Variants in EXOC6B observed in about 807,000 individuals in gnomAD.
EXOC6B encodes SEC15 homolog B.
In EXOC6B, 54 loss-of-function variants were observed where a neutral mutation model predicts 113.5. The ratio of observed to expected loss-of-function variants is 0.48; its 90% CI spans 0.38 to 0.60. The LOEUF is 0.60. Ranked by LOEUF, EXOC6B falls within the 20% of genes least tolerant of loss-of-function variation. EXOC6B has a pLI of 0.00. For synonymous variants in EXOC6B, 357 were observed against 339.0 expected (o/e 1.05, Z -0.58); for missense variants, 797 against 977.5 (o/e 0.82, Z 2.46).
At chr2:72,503,863 T>C (rs545083122) in intron 11 of EXOC6B, among the ~76,000 whole-genome samples, 1 of 112,168 alleles carries the variant, frequency 8.9e-6, no homozygotes, top group African/African-American at 2.5e-5. Flanking sequence ...TTTGGTGTGG[T>C]TCGTGTTCTG....
At chr2:72,343,486 T>C (rs1334423273) in intron 19 of EXOC6B, among the ~76,000 whole-genome samples, 1 of 152,172 alleles carries the variant, frequency 6.6e-6, no homozygotes, top group African/African-American at 2.4e-5. Flanking sequence ...CTTTTATAAT[T>C]GCCCATGTAT....
intron 18 of EXOC6B, chr2:72,462,163 A>C (rs1225390582): frequency 1.3e-5 from 2 of 152,160 alleles, no homozygotes; most frequent in African/African-American, 4.8e-5. Flanking sequence ...TGATGTTGTC[A>C]CATTATTTCT....
intron 20 of EXOC6B, among the ~76,000 whole-genome samples, chr2:72,223,291 CACTTAG>C (rs2104435860): frequency 6.6e-6 from 1 of 152,290 alleles, no homozygotes; most frequent in Admixed American, 6.5e-5. Context: ...GGACCATACA[CACTTAG>C]ACTTTGGGAA....
At chr2:72,636,010 A>T (rs1446887) in intron 6 of EXOC6B, among the ~76,000 whole-genome samples, 1 of 152,012 alleles carries the variant, frequency 6.6e-6, no homozygotes, top group South Asian at 2.1e-4. Context: ...TGAGGCCAGA[A>T]GTTCAAGAAA....
chr2:72,533,654 G>A (rs1237616584), intron 8 of EXOC6B, among the ~76,000 whole-genome samples: 1 of 152,052 alleles, frequency 6.6e-6, no homozygotes, highest in Non-Finnish European at 1.5e-5. Context: ...AATATTAGAA[G>A]GTAGGGCATG....
At chr2:72,801,814 G>A (rs2105084979) in intron 1 of EXOC6B, among the ~76,000 whole-genome samples, 1 of 152,318 alleles carries the variant, frequency 6.6e-6, no homozygotes, top group East Asian at 1.9e-4. Context: ...ACCATGAGAA[G>A]ATTCACGTAA....
chr2:72,807,771 A>G (rs1053371290), intron 1 of EXOC6B, among the ~76,000 whole-genome samples: 3 of 152,062 alleles, frequency 2.0e-5, no homozygotes, highest in African/African-American at 7.2e-5. Context: ...GATAGAGAGT[A>G]GAAGGTTGGT....
At chr2:72,275,597 G>C (rs892302364) in intron 20 of EXOC6B, among the ~76,000 whole-genome samples, 4 of 152,064 alleles carry the variant, frequency 2.6e-5, no homozygotes, top group Non-Finnish European at 4.4e-5. Context: ...TATTAGTGCT[G>C]CTCAATTAAT....
chr2:72,646,959 G>T (rs1353007521), intron 6 of EXOC6B, among the ~76,000 whole-genome samples: 2 of 152,132 alleles, frequency 1.3e-5, no homozygotes, highest in African/African-American at 4.8e-5. Context: ...AGGGCATTCA[G>T]GCAAGAGAAA....
chr2:72,549,918 A>G (rs1281109798), intron 8 of EXOC6B, among the ~76,000 whole-genome samples: 2 of 152,180 alleles, frequency 1.3e-5, no homozygotes, highest in South Asian at 4.1e-4. Flanking sequence ...GAGATTAAGA[A>G]TTATAAGGCA....
chr2:72,291,758 C>G (rs888715935), intron 20 of EXOC6B, among the ~76,000 whole-genome samples: 1 of 152,152 alleles, frequency 6.6e-6, no homozygotes, highest in Admixed American at 6.5e-5. Context: ...GAGGTAAAGA[C>G]AAGGTACATC....
At chr2:72,353,728 C>T (rs1488007523) in intron 19 of EXOC6B, among the ~76,000 whole-genome samples, 2 of 151,576 alleles carry the variant, frequency 1.3e-5, no homozygotes, top group Non-Finnish European at 2.9e-5. Flanking sequence ...AAAAAAACAA[C>T]AGTAAAAAGG....
chr2:72,373,147 C>A (rs1012159697), intron 19 of EXOC6B, among the ~76,000 whole-genome samples: 4 of 150,728 alleles, frequency 2.7e-5, no homozygotes, highest in African/African-American at 9.8e-5. Flanking sequence ...CAGCTCACTG[C>A]AACCTCCACC....
At chr2:72,669,010 C>T (rs932892681) in intron 6 of EXOC6B, among the ~76,000 whole-genome samples, 2 of 152,088 alleles carry the variant, frequency 1.3e-5, no homozygotes, top group South Asian at 2.1e-4. Context: ...TCACTTGAGC[C>T]CAGACGTTTG....
At chr2:72,455,774 G>A (rs1422579760) in intron 18 of EXOC6B, among the ~76,000 whole-genome samples, 6 of 151,904 alleles carry the variant, frequency 3.9e-5, no homozygotes, top group South Asian at 2.1e-4. Flanking sequence ...ATACACCTAC[G>A]TGTGTGTGTA....
At chr2:72,471,293 C>T (rs1259447843) in intron 17 of EXOC6B, among the ~76,000 whole-genome samples, 27 of 152,208 alleles carry the variant, frequency 1.8e-4, no homozygotes, top group Non-Finnish European at 2.2e-4. Context: ...TCATGTCCTT[C>T]GCCCACTTTT....
chr2:72,465,236 C>G lies in EXOC6B; in HGVS notation c.1904G>C (p.Gly635Ala). The G allele has an allele frequency of 6.2e-7, 1 of 1,611,322 alleles. No individual in the cohort carries two copies. Among genetic ancestry groups the G allele is most frequent in the Non-Finnish European group, 8.5e-7 (1 of 1,178,758 alleles). Residue 635 changes from glycine (G) to alanine (A), a missense_variant, in exon 18 of 22, where the codon GGC (glycine) becomes GCC (alanine). Transcript: ENST00000272427. ...ADYDWMTGDL[G>A]NKASDYLVDL... ...TACCAGGTAATCACTAGCTTTGTTG[C>G]CCAAATCTCCGGTCATCCAGTCATA...
chr2:72,623,009 GC>G (rs1671838927), intron 6 of EXOC6B, among the ~76,000 whole-genome samples: 1 of 152,146 alleles, frequency 6.6e-6, no homozygotes. Flanking sequence ...CTGGAAGGGG[GC>G]AAGAGAGGAG....
rs138312647 is a variant in EXOC6B, at chr2:72,572,700, G to A, written c.846+2792C>T. 4.0e-4 allele frequency among the ~76,000 whole-genome samples: 61 copies of A among 152,266 alleles called. 1 individual carries two copies. Among genetic ancestry groups the A allele is most frequent in the African/African-American group, 1.1e-3 (46 of 41,554 alleles). On this transcript the variant is annotated intron_variant, in intron 7 of 21. Coordinates refer to ENST00000272427, the MANE Select transcript of EXOC6B (RefSeq NM_015189.3). ...AGGTCAGAACGTCACAGTGGGTCAC[G>A]AAAGACCTTATCTGAAGAATTTATT...
Sources: allele counts gnomAD v4.1 joint callset (sites outside exome capture counted in the v4.1 genomes callset), GRCh38; gene constraint gnomAD v4.1.1; transcripts MANE v1.5; gene names NCBI Gene and HGNC (gene_info 2026-07-23, HGNC 2026-07-21).